PICALM: variants seen among roughly 807,000 people sequenced by gnomAD.
PICALM encodes phosphatidylinositol-binding clathrin assembly protein.
Under a neutral mutation model 80.5 loss-of-function variants are expected in PICALM, and 40 were observed. The ratio of observed to expected loss-of-function variants is 0.50; its 90% CI spans 0.39 to 0.65. The LOEUF (loss-of-function observed/expected upper bound fraction) is 0.65, where lower values mean the gene tolerates loss of function less well. Among genes scored for constraint, PICALM ranks in the 30% least tolerant of loss-of-function variants. PICALM has a pLI of 0.00. For synonymous variants in PICALM, 288 were observed against 260.3 expected (o/e 1.11, Z -1.02); for missense variants, 676 against 778.9 (o/e 0.87, Z 1.57).
In PICALM at chr11:85,983,947, G is replaced by A. The variant is rs371321082; in HGVS notation, c.1435C>T (p.Pro479Ser). ...ACATTAAGGCCAGCTGAAGGGTGTG[G>A]CTGTGCAACTGGAGAAGGAGTGAAT... ...VGFTPSPVAQ[P>S]HPSAGLNVDF... Residue 479 changes from proline (P) to serine (S), a missense_variant, in exon 14 of 20, where the codon CCA becomes TCA. Physicochemically the swap from Pro to Ser is moderately conservative, Grantham distance 74 (BLOSUM62 -1). This residue lies in a region of PICALM where 391 missense variants were observed against 383.6 expected (regional missense o/e 1.02). Coordinates refer to ENST00000393346, the MANE Select transcript of PICALM (RefSeq NM_007166.4). The A allele has an allele frequency of 1.9e-5, 30 of 1,595,084 alleles. No homozygotes were observed. Among genetic ancestry groups the A allele is most frequent in the Non-Finnish European group, 2.6e-6 (3 of 1,164,692 alleles).
Position 86,026,311 on chromosome 11 carries a change from CA to C in PICALM, c.329del (p.Leu110TrpfsTer22). The C allele has an allele frequency of 1.9e-6, 3 of 1,596,534 alleles. No homozygotes were observed. The highest frequency in any genetic ancestry group is 2.6e-6 in the Non-Finnish European group (3 of 1,166,806). On this transcript the variant is annotated frameshift_variant, in exon 3 of 20. Coordinates refer to ENST00000393346, the MANE Select transcript of PICALM (RefSeq NM_007166.4). LOFTEE classifies it high-confidence loss of function. ...RNTLFNLSNF[L>X]DKSGLQGYDM... ...CTTTACCTTGCAATCCACTTTTATC[CA>C]AAAAATTGCTTAAGTTAAACAACGT...
intron 1 of PICALM, among the ~76,000 whole-genome samples, chr11:86,033,242 T>C (rs904119305): frequency 2.6e-5 from 4 of 151,592 alleles, no homozygotes; most frequent in African/African-American, 9.7e-5. Flanking sequence ...ACACACACAA[T>C]TTAATACTAT....
At chr11:86,054,224 G>C (rs1196375777) in intron 1 of PICALM, among the ~76,000 whole-genome samples, 1 of 152,210 alleles carries the variant, frequency 6.6e-6, no homozygotes, top group Admixed American at 6.5e-5. Flanking sequence ...CCCTGCACAT[G>C]TGCCAACAGA....
In PICALM at chr11:86,042,816, C is replaced by T. The variant is rs150695339; in HGVS notation, c.131-11205G>A. Among the ~76,000 whole-genome samples, 584 of 152,274 alleles carry T rather than the reference C, an allele frequency of 3.8e-3. 3 individuals carry two copies. Among genetic ancestry groups the T allele is most frequent in the African/African-American group, 0.013 (546 of 41,566 alleles). ...TCCAGAGTGGGGGCAGAAAAATTCTCCTTTCTTTCCAACAAGACAGGGAAA... is the reference window on the plus strand; with the variant it reads ...TCCAGAGTGGGGGCAGAAAAATTCTTCTTTCTTTCCAACAAGACAGGGAAA... On this transcript the variant is annotated intron_variant, in intron 1 of 19. Coordinates refer to ENST00000393346, the MANE Select transcript of PICALM (RefSeq NM_007166.4).
chr11:85,996,520 T>G (rs911038486), intron 12 of PICALM, among the ~76,000 whole-genome samples: 1 of 152,154 alleles, frequency 6.6e-6, no homozygotes, highest in Non-Finnish European at 1.5e-5. Context: ...CCATGCATTT[T>G]CTGGTTATGG....
At chr11:85,975,592 C>CT (rs11407535) in intron 18 of PICALM, among the ~76,000 whole-genome samples, 66,429 of 89,594 alleles carry the variant, frequency 0.74, 26,870 homozygotes, top group East Asian at 0.9. Flanking sequence ...TCTCAGCAGA[C>CT]TTTTTTTTTT....
intron 13 of PICALM, among the ~76,000 whole-genome samples, chr11:85,984,836 G>A (rs1428082669): frequency 1.3e-5 from 2 of 152,126 alleles, no homozygotes; most frequent in African/African-American, 4.8e-5. Flanking sequence ...TTTAAGTAAG[G>A]TTCTGAATGT....
chr11:86,011,445 C>G (rs1174614725), intron 6 of PICALM, among the ~76,000 whole-genome samples: 1 of 152,200 alleles, frequency 6.6e-6, no homozygotes, highest in Non-Finnish European at 1.5e-5. Context: ...TTTAAAACAG[C>G]ACTAACATCT....
chr11:85,987,535 A>G (rs1351903475), intron 13 of PICALM, among the ~76,000 whole-genome samples: 1 of 152,276 alleles, frequency 6.6e-6, no homozygotes, highest in Admixed American at 6.5e-5. Flanking sequence ...TAAAAGCAAT[A>G]AAGAAAAAAT....
intron 13 of PICALM, among the ~76,000 whole-genome samples, chr11:85,985,479 T>C (rs1189933419): frequency 1.3e-5 from 2 of 152,182 alleles, no homozygotes; most frequent in African/African-American, 4.8e-5. Context: ...CTTAAACTAC[T>C]ATTAAGTCAA....
chr11:86,024,800 A>G (rs2095624100), intron 3 of PICALM, among the ~76,000 whole-genome samples: 1 of 152,186 alleles, frequency 6.6e-6, no homozygotes, highest in South Asian at 2.1e-4. Context: ...TGACTTTCAC[A>G]TCCATATACA....
chr11:86,011,213 T>C (rs1054288151), intron 6 of PICALM, 77 bp from the exon 7 acceptor site: 15 of 640,700 alleles, frequency 2.3e-5, no homozygotes, highest in Admixed American at 6.2e-5. Flanking sequence ...AAGTAGGTAA[T>C]AGCTCCAAAT....
At chr11:86,053,606 C>T (rs2096225984) in intron 1 of PICALM, among the ~76,000 whole-genome samples, 1 of 152,164 alleles carries the variant, frequency 6.6e-6, no homozygotes. Flanking sequence ...GTCTCACTGT[C>T]ACCAAGGCTG....
chr11:86,061,721 C>T (rs2096368835), intron 1 of PICALM, among the ~76,000 whole-genome samples: 1 of 152,172 alleles, frequency 6.6e-6, no homozygotes, highest in Non-Finnish European at 1.5e-5. Context: ...GGTATTCTTA[C>T]CATATGATCC....
rs1287252554 is a variant in PICALM, at chr11:85,974,831, T to A, written c.1840-19A>T. On this transcript the variant is annotated intron_variant, in intron 18 of 19. Transcript: ENST00000393346. ...GTGGAGGCTAAAAAAGAGAAAAATA[T>A]CAAAAGATACTGACTCCTATCTTCC... The A allele has an allele frequency of 6.7e-7, 1 of 1,497,572 alleles. No individual in the cohort carries two copies. Among genetic ancestry groups the A allele is most frequent in the Non-Finnish European group, 9.3e-7 (1 of 1,073,842 alleles). 92.8% of individuals were successfully genotyped at this position (1,497,572 alleles called of 1,614,324 possible).
chr11:86,012,168 T>A (rs1339066894), intron 6 of PICALM, 113 bp downstream of exon 6: 2 of 480,220 alleles, frequency 4.2e-6, no homozygotes, highest in Admixed American at 3.8e-5. Flanking sequence ...ACTGTTACAA[T>A]GAATGAATAT....
intron 8 of PICALM, among the ~76,000 whole-genome samples, chr11:86,006,903 T>TGCTCTA (rs1469472851): frequency 2.0e-5 from 3 of 152,218 alleles, no homozygotes; most frequent in African/African-American, 7.2e-5. Flanking sequence ...GTGTGTTTAA[T>TGCTCTA]GCTCTAATTT....
intron 8 of PICALM, among the ~76,000 whole-genome samples, chr11:86,006,896 T>C (rs757375684): frequency 1.3e-5 from 2 of 152,230 alleles, no homozygotes; most frequent in Non-Finnish European, 2.9e-5. Flanking sequence ...TAGTTGAGTG[T>C]GTTTAATGCT....
chr11:85,980,360 T>G (rs2094404952), intron 17 of PICALM, among the ~76,000 whole-genome samples: 1 of 152,224 alleles, frequency 6.6e-6, no homozygotes, highest in Non-Finnish European at 1.5e-5. Context: ...GCAAGTCACT[T>G]AACACTTCTG....
Sources: gnomAD v4.1 joint callset for allele counts (sites outside exome capture counted in the v4.1 genomes callset) on GRCh38, gnomAD v4.1.1 for gene constraint, gnomAD v4.1.1 regional missense constraint, MANE v1.5 for transcripts, NCBI Gene and HGNC (gene_info 2026-07-23, HGNC 2026-07-21) for gene names.